Variants in MCM5 observed in about 807,000 individuals in gnomAD.
MCM5 encodes DNA replication licensing factor MCM5.
Under a neutral mutation model 79.9 loss-of-function variants are expected in MCM5, and 46 were observed. The ratio of observed to expected loss-of-function variants is 0.58; its 90% CI spans 0.45 to 0.74. The LOEUF (loss-of-function observed/expected upper bound fraction) is 0.74. MCM5 is among the 30% of genes least tolerant of loss of function. The pLI is 0.00. For missense variants in MCM5, 883 were observed against 1,017.0 expected (o/e 0.87, Z 1.79); for synonymous variants, 404 against 390.5 (o/e 1.03, Z -0.41).
intron 2 of MCM5, among the ~76,000 whole-genome samples, chr22:35,400,932 G>T (rs1932028629): frequency 6.6e-6 from 1 of 152,174 alleles, no homozygotes; most frequent in South Asian, 2.1e-4. Context: ...CGATTCTTGT[G>T]CCTCAGCCTC....
chr22:35,452,419 G>A, the MCM5 span, among the ~76,000 whole-genome samples: 2 of 152,196 alleles, frequency 1.3e-5, no homozygotes, highest in African/African-American at 4.8e-5. Context: ...CTTCCTGGTC[G>A]GCCACTTTGT....
the MCM5 span, among the ~76,000 whole-genome samples, chr22:35,444,271 G>A: frequency 4.0e-5 from 6 of 151,622 alleles, no homozygotes; most frequent in East Asian, 9.7e-4. Flanking sequence ...TGAGAGAGGT[G>A]GAGAGAGGGG....
At position 35,412,664 on chromosome 22, in the gene MCM5, T is replaced by G; in HGVS notation, c.1074T>G (p.Phe358Leu). The G allele has an allele frequency of 6.6e-7, 1 of 1,507,344 alleles. No individual in the cohort carries two copies. Among genetic ancestry groups the G allele is most frequent in the Non-Finnish European group, 8.9e-7 (1 of 1,120,716 alleles). The allele number at this position is 1,507,344 out of a possible 1,614,324, so 93.4% of individuals were successfully genotyped here. A position where few individuals can be genotyped will look rare whatever the true frequency, so the allele number is the denominator to read the frequency against. ...AGAAGGCCATTGCCTGCCTGCTCTT[T>G]GGGGGCTCCCGAAAGAGGTAGGGGC... ...DMKKAIACLL[F>L]GGSRKRLPDG... The change falls in exon 8 of 17, where the codon TTT becomes TTG. Residue 358 changes from phenylalanine (F) to leucine (L), a missense_variant. Phe to Leu is a conservative substitution (Grantham distance 22, BLOSUM62 0). Transcript: ENST00000216122.
the MCM5 span, among the ~76,000 whole-genome samples, chr22:35,443,820 A>G: frequency 2.0e-5 from 3 of 151,908 alleles, no homozygotes; most frequent in African/African-American, 7.3e-5. Flanking sequence ...CTCCTTCAGG[A>G]TGGTGCCCCT....
At chr22:35,408,611 C>T in intron 6 of MCM5, 48 bp downstream of exon 6, 2 of 1,577,150 alleles carry the variant, frequency 1.3e-6, no homozygotes, top group Non-Finnish European at 1.7e-6. Context: ...GTGGATGTCC[C>T]AGCTGTGGCC....
chr22:35,440,129 C>T, the MCM5 span, among the ~76,000 whole-genome samples: 2,908 of 152,308 alleles, frequency 0.019, 88 homozygotes, highest in African/African-American at 0.066. Flanking sequence ...GTCTGGGGTC[C>T]TAGCACTTCC....
At chr22:35,416,089 G>T in intron 10 of MCM5, 117 bp downstream of exon 10, 1 of 1,328,682 alleles carries the variant, frequency 7.5e-7, no homozygotes. Flanking sequence ...CAATCCCTGG[G>T]CCGGTCACTC....
intron 15 of MCM5, 174 bp downstream of exon 15, chr22:35,421,634 C>G (rs771713033): frequency 2.5e-6 from 2 of 814,572 alleles, no homozygotes; most frequent in Admixed American, 2.0e-5. Context: ...TTCTCCCCAC[C>G]GCTGTTTCCT....
the MCM5 span, among the ~76,000 whole-genome samples, chr22:35,454,626 C>T: frequency 1.7e-4 from 26 of 152,302 alleles, no homozygotes; most frequent in South Asian, 5.4e-3. Flanking sequence ...AGCCTCTTCC[C>T]CACTGTGTGA....
intron 9 of MCM5, 23 bp downstream of exon 9, chr22:35,414,009 G>A (rs1184088910): frequency 1.9e-6 from 3 of 1,541,180 alleles, no homozygotes; most frequent in Non-Finnish European, 2.7e-6. Context: ...GGATACCTTT[G>A]CCACCTTGGC....
the MCM5 span, among the ~76,000 whole-genome samples, chr22:35,452,418 C>T: frequency 6.6e-6 from 1 of 152,168 alleles, no homozygotes; most frequent in Non-Finnish European, 1.5e-5. Flanking sequence ...GCTTCCTGGT[C>T]GGCCACTTTG....
intron 13 of MCM5, 113 bp downstream of exon 13, chr22:35,417,969 G>C: frequency 2.8e-6 from 2 of 704,852 alleles, no homozygotes; most frequent in Non-Finnish European, 2.5e-6. Context: ...AGATGTTGCT[G>C]TTCTGAGGTT....
chr22:35,418,553 A>G (rs1054059156), intron 13 of MCM5, among the ~76,000 whole-genome samples: 3 of 151,924 alleles, frequency 2.0e-5, no homozygotes, highest in Admixed American at 2.0e-4. Flanking sequence ...CCAGCTACTC[A>G]GGAGGCTGAG....
At chr22:35,432,445 C>T in the MCM5 span, among the ~76,000 whole-genome samples, 17 of 152,250 alleles carry the variant, frequency 1.1e-4, no homozygotes, top group East Asian at 3.1e-3. Flanking sequence ...TACTGTGTGA[C>T]GGTTCTGTTC....
chr22:35,454,567 C>T, the MCM5 span, among the ~76,000 whole-genome samples: 2 of 152,204 alleles, frequency 1.3e-5, no homozygotes, highest in East Asian at 3.9e-4. Flanking sequence ...AGGAGGGCCC[C>T]CCTGGCTTTG....
the MCM5 span, among the ~76,000 whole-genome samples, chr22:35,436,884 T>C: frequency 8.8e-6 from 1 of 113,520 alleles, no homozygotes. Context: ...AACCCAAGCT[T>C]TGCCAGGGGG....
chr22:35,441,078 A>G, the MCM5 span, among the ~76,000 whole-genome samples: 2 of 149,752 alleles, frequency 1.3e-5, no homozygotes, highest in African/African-American at 2.4e-5. Context: ...AAAAAAAAGT[A>G]AGATCCCAGT....
chr22:35,439,668 C>A, the MCM5 span, among the ~76,000 whole-genome samples: 7 of 152,216 alleles, frequency 4.6e-5, no homozygotes, highest in African/African-American at 1.7e-4. Context: ...CACCCCCACT[C>A]TGTCTTTTAG....
downstream of MCM5, among the ~76,000 whole-genome samples, chr22:35,425,728 G>C (rs145956649): frequency 3.4e-3 from 510 of 151,976 alleles, 6 homozygotes; most frequent in African/African-American, 0.012. Context: ...GTGGGGACTC[G>C]CGTGCATCTC....
Sources: allele counts gnomAD v4.1 joint callset (sites outside exome capture counted in the v4.1 genomes callset), GRCh38; gene constraint gnomAD v4.1.1; transcripts MANE v1.5; gene names NCBI Gene and HGNC (gene_info 2026-07-23, HGNC 2026-07-21).